ARID1B: variants seen among roughly 807,000 people sequenced by gnomAD.
ARID1B encodes the protein AT-rich interaction domain 1B.
A neutral mutation model predicts 212.3 loss-of-function variants in ARID1B; 30 were observed. That is an observed-to-expected ratio of 0.14 (90% CI 0.11 to 0.19). The LOEUF (loss-of-function observed/expected upper bound fraction) is 0.19. Among genes scored for constraint, ARID1B ranks in the 10% least tolerant of loss-of-function variants. The pLI is 1.00. For synonymous variants in ARID1B, 1,402 were observed against 1,301.7 expected, an observed-to-expected ratio of 1.08 and a Z score of -1.66; for missense variants, 2,891 against 3,204.0, an observed-to-expected ratio of 0.90 and a Z score of 2.36.
chr6:156,907,581 G>A (rs1297287481), intron 3 of ARID1B, among the ~76,000 whole-genome samples: 2 of 152,020 alleles, frequency 1.3e-5, no homozygotes, highest in African/African-American at 4.8e-5. Context: ...ATCCTTGTTA[G>A]GTTTTGGTAT....
At chr6:157,012,803 A>C (rs554767175) in intron 4 of ARID1B, among the ~76,000 whole-genome samples, 1 of 152,368 alleles carries the variant, frequency 6.6e-6, no homozygotes, top group South Asian at 2.1e-4. Context: ...TGAAAGCAAC[A>C]AATGTGCGCA....
intron 2 of ARID1B, among the ~76,000 whole-genome samples, chr6:156,853,377 T>TC (rs1423186038): frequency 1.3e-5 from 2 of 152,186 alleles, no homozygotes; most frequent in Admixed American, 6.5e-5. Flanking sequence ...TGAAAATGGA[T>TC]CCTAATGGTA....
intron 4 of ARID1B, chr6:157,023,136 T>G (rs1454218290): frequency 1.3e-5 from 2 of 152,230 alleles, no homozygotes; most frequent in Admixed American, 1.3e-4. Context: ...AAGTTGAATT[T>G]ATTATTTAGG....
At chr6:156,899,218 C>T (rs1184945028) in intron 2 of ARID1B, among the ~76,000 whole-genome samples, 1 of 145,148 alleles carries the variant, frequency 6.9e-6, no homozygotes, top group South Asian at 2.1e-4. Context: ...TGTGACTGAC[C>T]GTATTCACAC....
At chr6:156,856,802 T>TTGCCTTTGCTTAATGGTAAAATCCA (rs60089699) in intron 2 of ARID1B, among the ~76,000 whole-genome samples, 1 of 150,732 alleles carries the variant, frequency 6.6e-6, no homozygotes, top group African/African-American at 2.4e-5. Context: ...GAAAAACCCA[T>TTGCCTTTGCTTAATGGTAAAATCCA]TCAGTCATAT....
At position 156,778,063 on chromosome 6, in the gene ARID1B, C is replaced by A; in HGVS notation, c.383C>A (p.Ala128Glu). 6.5e-7 allele frequency: 1 copy of A among 1,538,544 alleles called. No homozygotes were observed. Among genetic ancestry groups the A allele is most frequent in the Non-Finnish European group, 8.7e-7 (1 of 1,146,284 alleles). ...TCCTCCTCCTCCTCCGCGGCGGCAG[C>A]GGCGGCATCCTCTTCCTCCTCGTCG... ...SSSSSSSAAA[A>E]AASSSSSSGP... The change falls in exon 1 of 20, where the codon GCG (alanine) becomes GAG (glutamate). Residue 128 changes from alanine (A) to glutamate (E), a missense_variant. Transcript: ENST00000636930.
At chr6:156,897,105 A>C (rs1788466414) in intron 2 of ARID1B, among the ~76,000 whole-genome samples, 1 of 151,844 alleles carries the variant, frequency 6.6e-6, no homozygotes, top group African/African-American at 2.4e-5. Context: ...TTTTAGCTAT[A>C]AATTTTTTGT....
At chr6:156,789,047 C>T (rs980324296) in intron 1 of ARID1B, among the ~76,000 whole-genome samples, 3 of 152,208 alleles carry the variant, frequency 2.0e-5, no homozygotes, top group Non-Finnish European at 4.4e-5. Flanking sequence ...AGTGCACCAT[C>T]TAAGAAGTAT....
chr6:157,037,638 C>G (rs1329003738), intron 4 of ARID1B, among the ~76,000 whole-genome samples: 2 of 152,172 alleles, frequency 1.3e-5, no homozygotes. Flanking sequence ...TTAAAGATAA[C>G]TTTCTCCTAT....
chr6:156,965,330 C>T (rs1794668135), intron 4 of ARID1B, among the ~76,000 whole-genome samples: 1 of 152,210 alleles, frequency 6.6e-6, no homozygotes, highest in African/African-American at 2.4e-5. Context: ...GTTTTCCACC[C>T]TTCATGAAGG....
At chr6:156,887,893 C>T (rs1787640883) in intron 2 of ARID1B, among the ~76,000 whole-genome samples, 1 of 152,194 alleles carries the variant, frequency 6.6e-6, no homozygotes, top group African/African-American at 2.4e-5. Flanking sequence ...GGTCTCGCTC[C>T]TCCTGTTCCC....
chr6:157,047,525 T>C (rs1381624246), intron 4 of ARID1B, among the ~76,000 whole-genome samples: 1 of 152,168 alleles, frequency 6.6e-6, no homozygotes, highest in Non-Finnish European at 1.5e-5. Flanking sequence ...TGTGCAGAAA[T>C]GTTTGCCCTG....
At chr6:156,827,754 CTTTTTTTTTTTTTTTTTT>C (rs532857305) in intron 1 of ARID1B, among the ~76,000 whole-genome samples, 1 of 68,420 alleles carries the variant, frequency 1.5e-5, no homozygotes, top group Non-Finnish European at 2.9e-5. Context: ...CCTGGTAATT[CTTTTTTTTTTTTTTTTTT>C]TTTTTTTTTT....
At chr6:156,834,834 G>A (rs1364654721) in intron 2 of ARID1B, among the ~76,000 whole-genome samples, 3 of 152,154 alleles carry the variant, frequency 2.0e-5, no homozygotes, top group Non-Finnish European at 2.9e-5. Flanking sequence ...GGTATTTAAG[G>A]TTTACCAGCA....
intron 1 of ARID1B, among the ~76,000 whole-genome samples, chr6:156,781,385 G>T (rs1285625202): frequency 6.6e-6 from 1 of 151,990 alleles, no homozygotes; most frequent in East Asian, 1.9e-4. Flanking sequence ...GTTGTGCTGG[G>T]TGTCTTTTTT....
chr6:156,944,984 T>G (rs551120204), intron 4 of ARID1B, among the ~76,000 whole-genome samples: 3 of 149,602 alleles, frequency 2.0e-5, no homozygotes, highest in South Asian at 2.1e-4. Flanking sequence ...GTGTAGTGGC[T>G]CGATCTCGGC....
intron 3 of ARID1B, among the ~76,000 whole-genome samples, chr6:156,906,200 A>G (rs1225896460): frequency 2.6e-5 from 4 of 151,958 alleles, no homozygotes; most frequent in African/African-American, 9.7e-5. Context: ...TACTTTTGTG[A>G]TTAGGTATTT....
Position 157,200,761 on chromosome 6 carries a change from C to T in ARID1B, c.4536C>T (p.Gly1512=), listed in dbSNP as rs1794040084. The T allele has an allele frequency of 2.5e-6, 4 of 1,613,762 alleles. No individual in the cohort carries two copies. The highest frequency in any genetic ancestry group is 2.2e-5 in the East Asian group (1 of 44,884). ...GGCCCCCAGCCAAGCGCCACGAGGG[C>T]GACATGTACAACATGCAGTACAGCA... ...MYGPPAKRHE[G]DMYNMQYSSQ... is the part of the protein sequence containing the mutation. The change falls in exon 18 of 20, where the codon GGC becomes GGT. Residue 1512 remains glycine, a synonymous_variant. Transcript: ENST00000636930. The surrounding 1 kb of genome is among the most constrained non-coding windows in gnomAD (Gnocchi z 4.3).
chr6:156,997,595 T>C (rs528864674), intron 4 of ARID1B, among the ~76,000 whole-genome samples: 69 of 152,152 alleles, frequency 4.5e-4, no homozygotes, highest in Non-Finnish European at 9.0e-4. Context: ...GTAGAGAAAT[T>C]CTTATTTACA....
Sources: allele counts gnomAD v4.1 joint callset (sites outside exome capture counted in the v4.1 genomes callset), GRCh38; gene constraint gnomAD v4.1.1; non-coding constraint Gnocchi (gnomAD v3.1); transcripts MANE v1.5; gene names NCBI Gene and HGNC (gene_info 2026-07-23, HGNC 2026-07-21).